FRMPD4: variants seen among roughly 807,000 people sequenced by gnomAD.
FRMPD4 encodes the protein FERM and PDZ domain containing 4.
A neutral mutation model predicts 94.1 loss-of-function variants in FRMPD4; 22 were observed. That is an observed-to-expected ratio of 0.23 (90% CI 0.17 to 0.33). The LOEUF is 0.33. Ranked by LOEUF, FRMPD4 falls within the 10% of genes least tolerant of loss-of-function variation. The pLI is 1.00. For synonymous variants in FRMPD4, 631 were observed against 548.6 expected, an observed-to-expected ratio of 1.15 and a Z score of -2.10; for missense variants, 1,111 against 1,339.9, an observed-to-expected ratio of 0.83 and a Z score of 2.67.
At chrX:12,095,601 G>A (rs1430619411) in intron 3 of FRMPD4, among the ~76,000 whole-genome samples, 1 of 110,578 alleles carries the variant, frequency 9.0e-6, no homozygotes, top group East Asian at 2.8e-4. Flanking sequence ...GACAAAGTTT[G>A]CTGACCTCTG....
chrX:12,418,790 TATG>T (rs1218081719), intron 1 of FRMPD4, among the ~76,000 whole-genome samples: 2 of 112,150 alleles, frequency 1.8e-5, no homozygotes, highest in African/African-American at 6.5e-5. Flanking sequence ...TGCTGCATCC[TATG>T]ATAATTCCCT....
chrX:12,717,547 G>A lies in FRMPD4; in HGVS notation c.2721G>A (p.Ser907=), dbSNP rs781562193. The change falls in exon 16 of 17, where the codon TCG becomes TCA. Residue 907 remains serine (S), a synonymous_variant. Transcript: ENST00000675598. The stretch of plus-strand genomic sequence containing the variant: ...ATAGTCCTGAGTCTTCGTCAGACTC[G>A]GGCAATGAAACTAACTCTTCTGAAA... ...RAYSPESSSD[S]GNETNSSEMT... is the part of the protein sequence containing the mutation. 1.5e-5 allele frequency: 18 copies of A among 1,200,405 alleles called. No individual in the cohort carries two copies. Among genetic ancestry groups the A allele is most frequent in the Admixed American group, 2.2e-5 (1 of 45,711 alleles).
At chrX:12,523,120 A>C (rs1402984320) in intron 2 of FRMPD4, among the ~76,000 whole-genome samples, 4 of 112,156 alleles carry the variant, frequency 3.6e-5, no homozygotes, top group African/African-American at 1.3e-4. Context: ...CCAAATGTTA[A>C]ACTGTCCCCC....
intron 3 of FRMPD4, among the ~76,000 whole-genome samples, chrX:12,109,915 G>A (rs2055340703): frequency 9.0e-6 from 1 of 111,723 alleles, no homozygotes; most frequent in Non-Finnish European, 1.9e-5. Context: ...CTCTGAAATT[G>A]AGGCAATAAT....
At chrX:12,469,327 G>A (rs2057483552) in intron 1 of FRMPD4, among the ~76,000 whole-genome samples, 1 of 111,037 alleles carries the variant, frequency 9.0e-6, no homozygotes, top group African/African-American at 3.3e-5. Context: ...TCAGCTCACT[G>A]CAGCCTCCAG....
In FRMPD4 at chrX:12,633,832, G is replaced by C. The variant is rs1412608605; in HGVS notation, c.422+18951G>C. 2.7e-5 allele frequency among the ~76,000 whole-genome samples: 3 copies of C among 112,069 alleles called. No individual in the cohort carries two copies. The East Asian group carries it at 8.4e-4, about 31-fold the overall frequency. On this transcript the variant is annotated intron_variant, in intron 4 of 16. Coordinates refer to ENST00000675598, the MANE Select transcript of FRMPD4 (RefSeq NM_001368397.1). ...TCTTCACTTATTCACATTTGATGTA[G>C]TTTAAATCAGTCTTTATTATGTGCA...
At chrX:12,359,135 T>C (rs1392827243) in intron 1 of FRMPD4, among the ~76,000 whole-genome samples, 1 of 112,015 alleles carries the variant, frequency 8.9e-6, no homozygotes, top group Non-Finnish European at 1.9e-5. Context: ...AGAGTGATTT[T>C]TGACCTTGGA....
intron 2 of FRMPD4, among the ~76,000 whole-genome samples, chrX:12,537,437 A>G (rs1291446695): frequency 1.9e-5 from 2 of 105,792 alleles, no homozygotes; most frequent in Admixed American, 1.0e-4. Flanking sequence ...TATTCCAACA[A>G]TATATATTTT....
In FRMPD4 at chrX:12,706,923, C is replaced by CTTTTTTTTTTTTTT. The variant is rs746601138; in HGVS notation, c.1287+13_1287+26dup. 1.6e-6 allele frequency: 1 copy of CTTTTTTTTTTTTTT among 611,969 alleles called. No individual in the cohort carries two copies. The highest frequency in any genetic ancestry group is 2.4e-6 in the Non-Finnish European group (1 of 413,368). 50.4% of individuals were successfully genotyped at this position (611,969 alleles called of 1,213,427 possible). On this transcript the variant is annotated intron_variant, in intron 12 of 16. Transcript: ENST00000675598. ...TTCAAGGCAACATTAGTGGTAATTTCTTTTTTTTTTTTTTTTTTGCTTTCT... is the reference window on the plus strand; with the variant it reads ...TTCAAGGCAACATTAGTGGTAATTTCTTTTTTTTTTTTTTTTTTTTTTTTTTTTTTTTGCTTTCT...
intron 1 of FRMPD4, among the ~76,000 whole-genome samples, chrX:12,456,534 T>A (rs1288775495): frequency 1.8e-5 from 2 of 111,681 alleles, no homozygotes; most frequent in Non-Finnish European, 3.8e-5. Flanking sequence ...CCTCCCTCCC[T>A]CTCTGTCAAA....
intron 1 of FRMPD4, among the ~76,000 whole-genome samples, chrX:12,173,298 G>C (rs2056252339): frequency 8.9e-6 from 1 of 112,520 alleles, no homozygotes; most frequent in African/African-American, 3.2e-5. Flanking sequence ...TTCTCCAGCA[G>C]ATACATTTGG....
intron 1 of FRMPD4, among the ~76,000 whole-genome samples, chrX:12,451,731 C>T (rs866885875): frequency 1.7e-5 from 1 of 59,366 alleles, no homozygotes; most frequent in Non-Finnish European, 3.4e-5. Context: ...TGTGTGTATG[C>T]CCGTGTGTGT....
At chrX:12,131,756 C>A (rs1292267635) in intron 3 of FRMPD4, among the ~76,000 whole-genome samples, 1 of 111,837 alleles carries the variant, frequency 8.9e-6, no homozygotes, top group African/African-American at 3.3e-5. Flanking sequence ...CTATAATAAT[C>A]CTCATATTTA....
At chrX:12,183,036 C>G (rs943441666) in intron 1 of FRMPD4, among the ~76,000 whole-genome samples, 10 of 111,078 alleles carry the variant, frequency 9.0e-5, no homozygotes, top group Non-Finnish European at 1.5e-4. Flanking sequence ...TCCTGCTGCT[C>G]CTGACCTATG....
chrX:11,942,193 A>C (rs999833213), intron 3 of FRMPD4, among the ~76,000 whole-genome samples: 2 of 105,774 alleles, frequency 1.9e-5, no homozygotes, highest in Admixed American at 1.0e-4. Context: ...CCCTGGGGGA[A>C]TTTCATAGGC....
At chrX:12,268,977 A>G (rs1360636866) in intron 1 of FRMPD4, among the ~76,000 whole-genome samples, 1 of 112,437 alleles carries the variant, frequency 8.9e-6, no homozygotes, top group Non-Finnish European at 1.9e-5. Flanking sequence ...AATGTCTTCA[A>G]CTGTGAATAT....
chrX:12,620,135 A>G (rs1357607841), intron 4 of FRMPD4, among the ~76,000 whole-genome samples: 1 of 112,677 alleles, frequency 8.9e-6, no homozygotes, highest in Non-Finnish European at 1.9e-5. Context: ...AGCCACTCTC[A>G]TCTGGTATTC....
intron 3 of FRMPD4, among the ~76,000 whole-genome samples, chrX:12,060,271 T>G (rs770119311): frequency 8.2e-5 from 9 of 109,233 alleles, no homozygotes; most frequent in South Asian, 4.0e-4. Flanking sequence ...GAACTGGTTT[T>G]TTTTTTTTTT....
At chrX:12,704,044 T>C (rs953093877) in intron 10 of FRMPD4, among the ~76,000 whole-genome samples, 2 of 112,536 alleles carry the variant, frequency 1.8e-5, no homozygotes, top group African/African-American at 3.2e-5. Flanking sequence ...CAAACTCGGA[T>C]ACGTGAGTGA....
Sources: allele counts gnomAD v4.1 joint callset (sites outside exome capture counted in the v4.1 genomes callset), GRCh38; gene constraint gnomAD v4.1.1; transcripts MANE v1.5; gene names NCBI Gene and HGNC (gene_info 2026-07-23, HGNC 2026-07-21).